FDX2: variants seen among roughly 807,000 people sequenced by gnomAD.
The protein encoded by FDX2 is ferredoxin 2, also known as ferredoxin-2, mitochondrial.
FDX2 carries 13 observed loss-of-function variants against 18.5 expected under a neutral mutation model. That is an observed-to-expected ratio of 0.70 (90% CI 0.46 to 1.12). The LOEUF (loss-of-function observed/expected upper bound fraction) is 1.12, where lower values mean the gene tolerates loss of function less well. Among genes scored for constraint, FDX2 ranks in the 50% most tolerant of loss-of-function variants. The probability of loss-of-function intolerance (pLI) is 0.00; values close to 1 mark genes in which losing one functional copy is unlikely to be tolerated. For synonymous variants in FDX2, 132 were observed against 106.2 expected (o/e 1.24, Z -1.49); for missense variants, 238 against 250.4 (o/e 0.95, Z 0.34).
In FDX2 at chr19:10,315,886, C is replaced by CA. The variant is rs746697764; in HGVS notation, c.119dup (p.Ala41GlyfsTer69). ...GAAACTTTCTGGTTGTCCCCAGCGC[C>CA]ACCCCCTCCCCCGACCCGGAAGTGC... On this transcript the variant is annotated frameshift_variant, in exon 1 of 5. Transcript: ENST00000393708. LOFTEE classifies it high-confidence loss of function. 6.3e-7 allele frequency: 1 copy of CA among 1,592,148 alleles called. No homozygotes were observed. Among genetic ancestry groups the CA allele is most frequent in the Non-Finnish European group, 8.6e-7 (1 of 1,168,512 alleles).
intron 3 of FDX2, 163 bp downstream of exon 3, chr19:10,315,223 T>TA (rs1473794457): frequency 8.4e-6 from 5 of 597,310 alleles, no homozygotes; most frequent in African/African-American, 3.7e-5. Context: ...GCTTAACAAA[T>TA]AAGAGCTTGG....
rs1444220454 is a variant in FDX2, at chr19:10,310,349, A to G, written c.*137T>C. 5.7e-6 allele frequency: 7 copies of G among 1,230,466 alleles called. No individual in the cohort carries two copies. The highest frequency in any genetic ancestry group is 6.8e-6 in the Non-Finnish European group (6 of 883,998). 76.2% of individuals were successfully genotyped at this position (1,230,466 alleles called of 1,614,324 possible). A position where few individuals can be genotyped will look rare whatever the true frequency, so the allele number is the denominator to read the frequency against. ...AGCCTGGACATGGGACTCTCTCCCAAGCAGGGGTGTTGTCCTTCACAGGGG... is the reference window on the plus strand; with the variant it reads ...AGCCTGGACATGGGACTCTCTCCCAGGCAGGGGTGTTGTCCTTCACAGGGG... On this transcript the variant is annotated 3_prime_UTR_variant, in exon 5 of 5. Coordinates refer to ENST00000393708, the MANE Select transcript of FDX2 (RefSeq NM_001031734.4).
chr19:10,315,949 CAGT>C lies in FDX2; in HGVS notation c.54_56del (p.Leu19del). ...TCCACCAGGTGCCCCTGGCAGCCTG[CAGT>C]AGAACCCTGGCACTCACGCCTCCCC... is the stretch of plus-strand genomic sequence containing the variant. On this transcript the variant is annotated inframe_deletion, in exon 1 of 5. Transcript: ENST00000393708. 6.2e-7 allele frequency: 1 copy of C among 1,610,304 alleles called. No homozygotes were observed. Among genetic ancestry groups the C allele is most frequent in the Non-Finnish European group, 8.5e-7 (1 of 1,178,898 alleles).
At position 10,315,740 on chromosome 19, in the gene FDX2, C is replaced by T; in HGVS notation, c.174G>A (p.Glu58=). 1 of 1,573,076 alleles carries T rather than the reference C, an allele frequency of 6.4e-7. No individual in the cohort carries two copies. The highest frequency in any genetic ancestry group is 8.6e-7 in the Non-Finnish European group (1 of 1,160,880). Reference sequence around the variant, plus strand: ...GCCGCTCCGGGCCGCCCGCGTCCTCCTCTCCAGCCGGGCGCGAGCCTGGAA... The same window carrying T: ...GCCGCTCCGGGCCGCCCGCGTCCTCTTCTCCAGCCGGGCGCGAGCCTGGAA... The change falls in exon 2 of 5, where the codon GAG becomes GAA. Residue 58 remains glutamate, a synonymous_variant. Transcript: ENST00000393708.
At chr19:10,313,439 T>G (rs1355095856) in intron 3 of FDX2, among the ~76,000 whole-genome samples, 4 of 151,896 alleles carry the variant, frequency 2.6e-5, no homozygotes, top group Non-Finnish European at 5.9e-5. Flanking sequence ...TGTATATTGC[T>G]GCCTGACGCG....
chr19:10,311,964 A>G (rs1251981185), intron 3 of FDX2, among the ~76,000 whole-genome samples: 1 of 136,682 alleles, frequency 7.3e-6, no homozygotes, highest in South Asian at 2.3e-4. Context: ...TCTGCCTCCC[A>G]GGTTCAAGTG....
At chr19:10,315,337 T>TTTTTTTTGACAAATGGA in intron 3 of FDX2, 49 bp downstream of exon 3, 2 of 1,064,558 alleles carry the variant, frequency 1.9e-6, no homozygotes, top group South Asian at 1.6e-5. Context: ...TTTTTTTTTT[T>TTTTTTTTGACAAATGGA]TGGACAAATG....
At position 10,315,717 on chromosome 19, in the gene FDX2, C is replaced by G; in HGVS notation, c.197G>C (p.Arg66Pro). 1 of 1,553,066 alleles carries G rather than the reference C, an allele frequency of 6.4e-7. No individual in the cohort carries two copies. Among genetic ancestry groups the G allele is most frequent in the Non-Finnish European group, 8.7e-7 (1 of 1,149,470 alleles). Residue 66 changes from arginine (R) to proline (P), a missense_variant, in exon 2 of 5, where the codon CGG becomes CCG. Coordinates refer to ENST00000393708, the MANE Select transcript of FDX2 (RefSeq NM_001031734.4). ...CCCCTGCACTCACACGTCCCCGGGCCGCTCCGGGCCGCCCGCGTCCTCCTC... is the reference window on the plus strand; with the variant it reads ...CCCCTGCACTCACACGTCCCCGGGCGGCTCCGGGCCGCCCGCGTCCTCCTC...
chr19:10,313,663 A>ATATATATATATATATG (rs2040346573), intron 3 of FDX2, among the ~76,000 whole-genome samples: 3 of 35,954 alleles, frequency 8.3e-5, no homozygotes, highest in African/African-American at 1.6e-4. Context: ...ATATATATAT[A>ATATATATATATATATG]TATATATATT....
At chr19:10,315,311 A>C in intron 3 of FDX2, 75 bp downstream of exon 3, 2 of 806,174 alleles carry the variant, frequency 2.5e-6, no homozygotes, top group East Asian at 2.9e-5. Flanking sequence ...GACACACCTA[A>C]TTTGTGGGTT....
At chr19:10,315,219 C>G in intron 3 of FDX2, 167 bp downstream of exon 3, 1 of 592,600 alleles carries the variant, frequency 1.7e-6, no homozygotes, top group South Asian at 2.2e-5. Context: ...AAATGCTTAA[C>G]AAATAAGAGC....
chr19:10,313,842 G>A (rs1358697730), intron 3 of FDX2, among the ~76,000 whole-genome samples: 5 of 149,202 alleles, frequency 3.4e-5, no homozygotes, highest in South Asian at 2.1e-4. Context: ...CCACCACCAC[G>A]CCCACCTAAT....
intron 3 of FDX2, among the ~76,000 whole-genome samples, chr19:10,312,291 A>T (rs1166206613): frequency 6.7e-6 from 1 of 149,674 alleles, no homozygotes; most frequent in African/African-American, 2.5e-5. Flanking sequence ...CTGGGACTAC[A>T]GGCATATGCC....
At chr19:10,312,747 C>T (rs2040337245) in intron 3 of FDX2, among the ~76,000 whole-genome samples, 2 of 152,058 alleles carry the variant, frequency 1.3e-5, no homozygotes, top group Admixed American at 6.5e-5. Flanking sequence ...CCATGTTAGC[C>T]AGGATGGTCT....
At position 10,310,124 on chromosome 19, in the gene FDX2, T is replaced by C; in HGVS notation, c.*362A>G. The C allele has an allele frequency of 4.1e-6, 1 of 244,348 alleles. No homozygotes were observed. Among genetic ancestry groups the C allele is most frequent in the Non-Finnish European group, 8.0e-6 (1 of 124,826 alleles). The allele number at this position is 244,348 out of a possible 1,614,324, so 15.1% of individuals were successfully genotyped here. A position where few individuals can be genotyped will look rare whatever the true frequency, so the allele number is the denominator to read the frequency against. On this transcript the variant is annotated 3_prime_UTR_variant, in exon 5 of 5. Coordinates refer to ENST00000393708, the MANE Select transcript of FDX2 (RefSeq NM_001031734.4). ...TTAAGCTCCTGGCCTCAAGTGATCC[T>C]CCCATCTTGGCTTCCCAAAGTGCTA...
rs1440167339 is a variant in FDX2, at chr19:10,310,195, A to G, written c.*291T>C. The G allele has an allele frequency of 2.3e-6, 1 of 439,878 alleles. No homozygotes were observed. The highest frequency in any genetic ancestry group is 4.2e-5 in the East Asian group (1 of 23,768). The allele number at this position is 439,878 out of a possible 1,614,324, so 27.2% of individuals were successfully genotyped here. A position where few individuals can be genotyped will look rare whatever the true frequency, so the allele number is the denominator to read the frequency against. ...CTGTAGACCCCAGATCTGTCCCCCA[A>G]GGACACTCAACATGCTGGGGCCTGT... On this transcript the variant is annotated 3_prime_UTR_variant, in exon 5 of 5. Coordinates refer to ENST00000393708, the MANE Select transcript of FDX2 (RefSeq NM_001031734.4).
At chr19:10,311,113 G>A (rs1270826007) in intron 3 of FDX2, among the ~76,000 whole-genome samples, 173 bp from the exon 4 acceptor site, 7 of 152,228 alleles carry the variant, frequency 4.6e-5, no homozygotes, top group Admixed American at 3.9e-4. Flanking sequence ...AATGTCCTCA[G>A]CTAGCTGTTC....
In FDX2 at chr19:10,314,180, C is replaced by T. The variant is rs530089124; in HGVS notation, c.316+1206G>A. Among the ~76,000 whole-genome samples the T allele has an allele frequency of 4.6e-5, 7 of 151,594 alleles. No individual in the cohort carries two copies. The South Asian group carries it at 1.2e-3, about 27-fold the overall frequency. ...TGTGTTTCTTGTAGAGACAGGGTTT[C>T]GCCATGTTGGCCAGACTAGTCTCAA... On this transcript the variant is annotated intron_variant, in intron 3 of 4. Transcript: ENST00000393708.
In FDX2 at chr19:10,315,423, A is replaced by C; in HGVS notation, c.279T>G (p.Val93=). Residue 93 remains valine, a synonymous_variant, in exon 3 of 5, where the codon GTT becomes GTG. Transcript: ENST00000393708. ...CCCCGTGGCGCTGGGCCAGGTGAAG[A>C]ACATTGTCCCCGACTCTGCCACTCA... 3 of 1,612,978 alleles carry C rather than the reference A, an allele frequency of 1.9e-6. No individual in the cohort carries two copies. The highest frequency in any genetic ancestry group is 2.5e-6 in the Non-Finnish European group (3 of 1,179,848).
Sources: allele counts gnomAD v4.1 joint callset (sites outside exome capture counted in the v4.1 genomes callset), GRCh38; gene constraint gnomAD v4.1.1; transcripts MANE v1.5; gene names NCBI Gene and HGNC (gene_info 2026-07-23, HGNC 2026-07-21).